Variants in IPO11 observed in about 807,000 individuals in gnomAD.
IPO11 encodes importin 11, also known as importin-11.
IPO11 carries 66 observed loss-of-function variants against 143.2 expected under a neutral mutation model. The observed-to-expected ratio is 0.46, with a 90% CI of 0.38 to 0.57. The LOEUF (loss-of-function observed/expected upper bound fraction) is 0.57. Ranked by LOEUF, IPO11 falls within the 20% of genes least tolerant of loss-of-function variation. The probability of loss-of-function intolerance (pLI) is 0.00; values close to 1 mark genes in which losing one functional copy is unlikely to be tolerated. For synonymous variants in IPO11, 385 were observed against 377.8 expected (o/e 1.02, Z -0.22); for missense variants, 1,026 against 1,141.0 (o/e 0.90, Z 1.45).
chr5:62,479,885 G>A (rs1746121845), intron 9 of IPO11, among the ~76,000 whole-genome samples: 1 of 152,132 alleles, frequency 6.6e-6, no homozygotes, highest in Admixed American at 6.5e-5. Context: ...CCATTCTGTA[G>A]GTTGCCTATT....
chr5:62,596,450 C>G (rs1191347617), intron 28 of IPO11, among the ~76,000 whole-genome samples: 1 of 152,042 alleles, frequency 6.6e-6, no homozygotes, highest in Admixed American at 6.6e-5. Context: ...GATTTCCACA[C>G]TGGAGGGACA....
At chr5:62,545,981 C>T (rs1020602436) in intron 24 of IPO11, among the ~76,000 whole-genome samples, 5 of 152,150 alleles carry the variant, frequency 3.3e-5, no homozygotes, top group Non-Finnish European at 7.3e-5. Flanking sequence ...GAAATAGGAA[C>T]ACTTTTACAC....
Position 62,483,362 on chromosome 5 carries a change from A to G in IPO11, c.1021+69A>G. On this transcript the variant is annotated intron_variant, in intron 10 of 29. Transcript: ENST00000325324. ...AGTGTGATATAATTGCTATAATTAC[A>G]AACTTTTTAAAAAATGTCATTTTAG... The G allele has an allele frequency of 4.4e-6, 4 of 910,396 alleles. No homozygotes were observed. In the South Asian group the frequency reaches 6.2e-5, roughly 14 times the overall value. 56.4% of individuals were successfully genotyped at this position (910,396 alleles called of 1,614,324 possible). A position where few individuals can be genotyped will look rare whatever the true frequency, so the allele number is the denominator to read the frequency against.
chr5:62,417,558 T>C, intron 1 of IPO11, among the ~76,000 whole-genome samples: 1 of 152,202 alleles, frequency 6.6e-6, no homozygotes, highest in East Asian at 1.9e-4. Context: ...TTGTTGGTTA[T>C]TTTTCTCTTT....
intron 5 of IPO11, among the ~76,000 whole-genome samples, chr5:62,455,414 T>C (rs1745095961): frequency 6.6e-6 from 1 of 152,132 alleles, no homozygotes; most frequent in Non-Finnish European, 1.5e-5. Flanking sequence ...TCCCAGCTAC[T>C]CAGGAGGCTG....
At chr5:62,484,670 A>G (rs116492959) in intron 11 of IPO11, among the ~76,000 whole-genome samples, 2,959 of 151,928 alleles carry the variant, frequency 0.019, 93 homozygotes, top group African/African-American at 0.065. Flanking sequence ...CATGTGTCTA[A>G]TAAAGTACTT....
At chr5:62,618,449 A>G (rs562229842) in intron 29 of IPO11, among the ~76,000 whole-genome samples, 66 of 152,328 alleles carry the variant, frequency 4.3e-4, no homozygotes, top group African/African-American at 1.5e-3. Flanking sequence ...AATAGAAGAC[A>G]TTAATAATTT....
At position 62,451,812 on chromosome 5, in the gene IPO11, T is replaced by G; in HGVS notation, c.395T>G (p.Leu132Arg). ...PRQWPELIPT[L>R]IESVKVQDDL... ...CAGTGGCCTGAACTAATTCCCACTCTTATAGAGTCTGTTAAAGTCCAGGAT... is the reference window on the plus strand; with the variant it reads ...CAGTGGCCTGAACTAATTCCCACTCGTATAGAGTCTGTTAAAGTCCAGGAT... Residue 132 changes from leucine to arginine, a missense_variant, in exon 5 of 30, where the codon CTT becomes CGT. By Grantham distance (102) the Leu-to-Arg change is moderately radical. This residue lies in a region of IPO11 where 429 missense variants were observed against 456.3 expected (regional missense o/e 0.94). Coordinates refer to ENST00000325324, the MANE Select transcript of IPO11 (RefSeq NM_016338.5). The G allele has an allele frequency of 6.2e-7, 1 of 1,614,118 alleles. No individual in the cohort carries two copies. The highest frequency in any genetic ancestry group is 8.5e-7 in the Non-Finnish European group (1 of 1,179,934).
At chr5:62,624,870 A>T (rs1746503805) in intron 29 of IPO11, among the ~76,000 whole-genome samples, 3 of 151,772 alleles carry the variant, frequency 2.0e-5, no homozygotes. Flanking sequence ...CTGTAGTCCC[A>T]GCTACTCGGG....
chr5:62,535,099 G>C (rs1309014452), intron 22 of IPO11, among the ~76,000 whole-genome samples: 2 of 150,964 alleles, frequency 1.3e-5, no homozygotes, highest in African/African-American at 4.9e-5. Context: ...TGCCATCCTG[G>C]GCATGGCAGA....
rs370571751 is a variant in IPO11 at position 62,541,364 on chromosome 5, G to A, written c.2250+4075G>A. On this transcript the variant is annotated intron_variant, in intron 24 of 29. Coordinates refer to ENST00000325324, the MANE Select transcript of IPO11 (RefSeq NM_016338.5). Reference sequence around the variant, plus strand: ...TCAGCCTGGGCAACAAGAGCGAAACGCTGTCTCAAAAAAAAAAAAAAAAAT... The same window carrying A: ...TCAGCCTGGGCAACAAGAGCGAAACACTGTCTCAAAAAAAAAAAAAAAAAT... Among the ~76,000 whole-genome samples the A allele has an allele frequency of 7.4e-5, 11 of 148,164 alleles. No individual in the cohort carries two copies. The East Asian group carries it at 1.2e-3, about 16-fold the overall frequency.
intron 20 of IPO11, among the ~76,000 whole-genome samples, chr5:62,516,379 C>T (rs1297699509): frequency 2.6e-5 from 4 of 152,056 alleles, no homozygotes; most frequent in African/African-American, 7.2e-5. Context: ...CTGCAACCTC[C>T]GTCTCCTGGG....
chr5:62,592,791 G>C (rs1053503802), intron 28 of IPO11, among the ~76,000 whole-genome samples: 1 of 152,058 alleles, frequency 6.6e-6, no homozygotes, highest in Non-Finnish European at 1.5e-5. Flanking sequence ...ATCTGATCTC[G>C]TGGGAGCTCA....
chr5:62,484,152 A>T lies in IPO11; in HGVS notation c.1164A>T (p.Pro388=), dbSNP rs372451925. The change falls in exon 11 of 30, where the codon CCA becomes CCT. Residue 388 remains proline (P), a synonymous_variant. Coordinates refer to ENST00000325324, the MANE Select transcript of IPO11 (RefSeq NM_016338.5). The part of the protein sequence containing the change: ...EEELTMWEED[P]EGFTVEETGG... ...AACTGACAATGTGGGAAGAAGACCC[A>T]GAAGGCTTTAGTAAGAATTAATTTT... 1.3e-6 allele frequency: 2 copies of T among 1,595,002 alleles called. No individual in the cohort carries two copies. Among genetic ancestry groups the T allele is most frequent in the Non-Finnish European group, 1.7e-6 (2 of 1,175,158 alleles).
At chr5:62,474,351 A>G (rs1745883715) in intron 7 of IPO11, 65 bp from the exon 8 acceptor site, 7 of 1,014,034 alleles carry the variant, frequency 6.9e-6, no homozygotes, top group Non-Finnish European at 1.0e-5. Context: ...GGTATCCCTG[A>G]AAAAGATACA....
intron 1 of IPO11, chr5:62,413,586 C>T (rs778144437): frequency 3.3e-5 from 5 of 152,170 alleles, no homozygotes; most frequent in Non-Finnish European, 7.3e-5. Context: ...GAGAGAAGTA[C>T]TATCTGAAAG....
At chr5:62,443,386 T>A (rs1448953942) in intron 3 of IPO11, 3 of 9,896 alleles carry the variant, frequency 3.0e-4, no homozygotes, top group East Asian at 3.1e-3. Context: ...CATTTGAGTG[T>A]GTGTGTGTGT....
intron 2 of IPO11, among the ~76,000 whole-genome samples, chr5:62,442,505 T>C (rs1744523264): frequency 6.6e-6 from 1 of 152,180 alleles, no homozygotes. Flanking sequence ...TAGAACTATA[T>C]ATACTTCATA....
intron 29 of IPO11, among the ~76,000 whole-genome samples, chr5:62,620,877 A>G (rs1043859940): frequency 6.6e-6 from 1 of 152,336 alleles, no homozygotes; most frequent in African/African-American, 2.4e-5. Context: ...GCCAAAGAGG[A>G]AGTCCATTCA....
Sources: gnomAD v4.1 joint callset for allele counts (sites outside exome capture counted in the v4.1 genomes callset) on GRCh38, gnomAD v4.1.1 for gene constraint, gnomAD v4.1.1 regional missense constraint, MANE v1.5 for transcripts, NCBI Gene and HGNC (gene_info 2026-07-23, HGNC 2026-07-21) for gene names.